The following GGH variants were observed in gnomAD, a reference collection of about 807,000 sequenced individuals.
GGH encodes the protein gamma-glutamyl hydrolase, also known as gamma-Glu-X carboxypeptidase.
GGH carries 18 observed loss-of-function variants against 39.2 expected under a neutral mutation model. The observed-to-expected ratio is 0.46, with a 90% CI of 0.32 to 0.68. GGH has a LOEUF of 0.68. GGH is among the 30% of genes least tolerant of loss of function. The probability of loss-of-function intolerance (pLI) is 0.04; values close to 1 mark genes in which losing one functional copy is unlikely to be tolerated. For missense variants in GGH, 367 were observed against 384.1 expected (o/e 0.96, Z 0.37); for synonymous variants, 147 against 138.8 (o/e 1.06, Z -0.42).
intron 2 of GGH, among the ~76,000 whole-genome samples, chr8:63,033,061 G>A (rs1804834577): frequency 6.6e-6 from 1 of 152,068 alleles, no homozygotes; most frequent in South Asian, 2.1e-4. Flanking sequence ...CTGCCTTTAG[G>A]CATTTTGTTT....
chr8:63,038,551 T>C, intron 1 of GGH, 109 bp downstream of exon 1: 1 of 538,908 alleles, frequency 1.9e-6, no homozygotes. Flanking sequence ...GAAGCACATC[T>C]GGGGGTTTTT....
chr8:63,037,071 T>A lies in GGH; in HGVS notation c.110-1301A>T, dbSNP rs144933878. Among the ~76,000 whole-genome samples the A allele has an allele frequency of 5.6e-3, 851 of 152,314 alleles. 8 individuals carry two copies. Among genetic ancestry groups the A allele is most frequent in the African/African-American group, 0.02 (825 of 41,566 alleles). ...CAGCACTTCAGCATTTGGAACACTT[T>A]CAGTGTCTCTGTAGGCCACCTGATA... On this transcript the variant is annotated intron_variant, in intron 1 of 8. Coordinates refer to ENST00000260118, the MANE Select transcript of GGH (RefSeq NM_003878.3).
chr8:63,018,833 T>C (rs1433489232), intron 7 of GGH, among the ~76,000 whole-genome samples: 1 of 152,214 alleles, frequency 6.6e-6, no homozygotes, highest in Admixed American at 6.5e-5. Flanking sequence ...TTGGAAAAGA[T>C]ACATATATAT....
intron 7 of GGH, among the ~76,000 whole-genome samples, chr8:63,021,668 C>CTTTTT (rs1355911435): frequency 8.7e-6 from 1 of 115,556 alleles, no homozygotes; most frequent in African/African-American, 3.3e-5. Flanking sequence ...AATCTCATAT[C>CTTTTT]CTTTTTTTTT....
intron 7 of GGH, among the ~76,000 whole-genome samples, chr8:63,021,669 CTT>C (rs752057959): frequency 3.0e-4 from 28 of 93,304 alleles, no homozygotes; most frequent in South Asian, 1.8e-3. Context: ...ATCTCATATC[CTT>C]TTTTTTTTTT....
In GGH at chr8:63,030,628, T is replaced by C. The variant is rs151119424; in HGVS notation, c.225-411A>G. ...ATGCCTATTTAACTACAGGAAGCTC[T>C]GGCAGATTAAAAAATGCATAAATAA... On this transcript the variant is annotated intron_variant, in intron 2 of 8. Transcript: ENST00000260118. Among the ~76,000 whole-genome samples, 7 of 152,318 alleles carry C rather than the reference T, an allele frequency of 4.6e-5. No individual in the cohort carries two copies. In the East Asian group the frequency reaches 1.2e-3, roughly 25 times the overall value.
Position 63,024,375 on chromosome 8 carries a change from T to C in GGH, c.500-189A>G, listed in dbSNP as rs1259190358. 4 of 485,974 alleles carry C rather than the reference T, an allele frequency of 8.2e-6. No individual in the cohort carries two copies. In the East Asian group the frequency reaches 1.3e-4, roughly 16 times the overall value. 30.1% of individuals were successfully genotyped at this position (485,974 alleles called of 1,614,324 possible). On this transcript the variant is annotated intron_variant, in intron 5 of 8. Transcript: ENST00000260118. ...AAAATGTGTTTAACATAAACTCAAA[T>C]ATGCTCCAGCTATAAGTAATCTTCT...
intron 2 of GGH, among the ~76,000 whole-genome samples, chr8:63,033,634 A>C (rs1347574821): frequency 1.3e-5 from 2 of 151,974 alleles, no homozygotes; most frequent in African/African-American, 4.8e-5. Flanking sequence ...TATAATTTTA[A>C]CTTTTATTTT....
chr8:63,018,234 T>C (rs1202646262), intron 7 of GGH, among the ~76,000 whole-genome samples: 2 of 151,922 alleles, frequency 1.3e-5, no homozygotes, highest in Admixed American at 6.6e-5. Flanking sequence ...CCAGGGTTCA[T>C]ATTACTCTCT....
chr8:63,023,960 T>C lies in GGH; in HGVS notation c.644A>G (p.Asn215Ser), dbSNP rs754497984. ...GCCATCTGTATTTGTAGTTAAGACA[T>C]TGAAAAACTTCTTTAACTTTTCATT... ...TMNEKLKKFF[N>S]VLTTNTDGKI... Residue 215 changes from asparagine to serine, a missense_variant, in exon 7 of 9, where the codon AAT becomes AGT. Transcript: ENST00000260118. 49 of 1,595,966 alleles carry C rather than the reference T, an allele frequency of 3.1e-5. No homozygotes were observed. The highest frequency in any genetic ancestry group is 1.5e-4 in the Admixed American group (9 of 58,782).
intron 7 of GGH, among the ~76,000 whole-genome samples, chr8:63,020,368 T>C (rs556975369): frequency 1.5e-4 from 23 of 152,304 alleles, no homozygotes; most frequent in African/African-American, 5.5e-4. Context: ...CAATATTCTA[T>C]CATTTAAATA....
intron 3 of GGH, 102 bp downstream of exon 3, chr8:63,030,061 AAGAC>A: frequency 4.8e-6 from 3 of 623,196 alleles, no homozygotes; most frequent in Non-Finnish European, 8.8e-6. Flanking sequence ...ATACCACTCT[AAGAC>A]AGTTACATAG....
chr8:63,019,785 G>A (rs1322747156), intron 7 of GGH, among the ~76,000 whole-genome samples: 2 of 152,108 alleles, frequency 1.3e-5, no homozygotes, highest in Non-Finnish European at 2.9e-5. Context: ...TTTCATCCGA[G>A]GGCTATTTAG....
At chr8:63,038,518 GGGTTCCT>G in intron 1 of GGH, 135 bp downstream of exon 1, 1 of 453,008 alleles carries the variant, frequency 2.2e-6, no homozygotes, top group Non-Finnish European at 3.9e-6. Context: ...TGCCCAGCCC[GGGTTCCT>G]CCTTGCACCA....
chr8:63,022,333 C>T (rs1744360799), intron 7 of GGH, among the ~76,000 whole-genome samples: 1 of 151,754 alleles, frequency 6.6e-6, no homozygotes, highest in African/African-American at 2.4e-5. Context: ...CTACTTTTTC[C>T]CATTCCTTCT....
Position 63,038,756 on chromosome 8 carries a change from C to T in GGH, c.13G>A (p.Gly5Ser), listed in dbSNP as rs773716886. Residue 5 changes from glycine to serine, a missense_variant, in exon 1 of 9, where the codon GGC (glycine) becomes AGC (serine). Transcript: ENST00000260118. The stretch of plus-strand genomic sequence containing the variant: ...AGGCCCAGCACGCACAGCAGGCAGC[C>T]CGGACTGGCCATGGCGCTCGCCGCC... MASP[G>S]CLLCVLGLLL... 9.6e-6 allele frequency: 15 copies of T among 1,563,252 alleles called. No homozygotes were observed. The African/African-American group carries it at 1.7e-4, about 17-fold the overall frequency.
intron 2 of GGH, among the ~76,000 whole-genome samples, chr8:63,033,859 G>A (rs11776425): frequency 7.4e-4 from 113 of 151,820 alleles, no homozygotes; most frequent in Middle Eastern, 3.4e-3. Flanking sequence ...ACTTATAAGT[G>A]AGAATATGTG....
rs1247117232 is a variant in GGH, at chr8:63,024,294, T to C, written c.500-108A>G. ...AGCCATTATGAAGACATAATCAAGA[T>C]GACCAAATGATATGCAAAACACATC... On this transcript the variant is annotated intron_variant, in intron 5 of 8. Transcript: ENST00000260118. 5.1e-5 allele frequency: 32 copies of C among 633,494 alleles called. No individual in the cohort carries two copies. In the Admixed American group the frequency reaches 9.0e-4, roughly 18 times the overall value. The allele number at this position is 633,494 out of a possible 1,614,324, so 39.2% of individuals were successfully genotyped here.
intron 2 of GGH, 117 bp from the exon 3 acceptor site, chr8:63,030,334 A>G (rs1804779543): frequency 3.4e-6 from 2 of 591,858 alleles, no homozygotes; most frequent in Non-Finnish European, 6.2e-6. Flanking sequence ...TTACTAGACA[A>G]TATTACCTCT....
Sources: allele counts gnomAD v4.1 joint callset (sites outside exome capture counted in the v4.1 genomes callset), GRCh38; gene constraint gnomAD v4.1.1; transcripts MANE v1.5; gene names NCBI Gene and HGNC (gene_info 2026-07-23, HGNC 2026-07-21).